The following DVL1 variants were observed in gnomAD, a reference collection of about 807,000 sequenced individuals.
DVL1 encodes the protein segment polarity protein dishevelled homolog DVL-1.
Under a neutral mutation model 65.0 loss-of-function variants are expected in DVL1, and 49 were observed. The observed-to-expected ratio is 0.75, with a 90% CI of 0.60 to 0.96. The LOEUF is 0.96. Among genes scored for constraint, DVL1 ranks in the 40% least tolerant of loss-of-function variants. The probability of loss-of-function intolerance (pLI) is 0.00; values close to 1 mark genes in which losing one functional copy is unlikely to be tolerated. For missense variants in DVL1, 1,197 were observed against 1,045.4 expected (o/e 1.15, Z -2.00); for synonymous variants, 608 against 433.9 (o/e 1.40, Z -4.99).
chr1:1,343,472 C>A (rs1643877772), intron 1 of DVL1, among the ~76,000 whole-genome samples: 1 of 152,146 alleles, frequency 6.6e-6, no homozygotes, highest in Admixed American at 6.5e-5. Context: ...CTGCACCCAC[C>A]CCTGCACTCA....
chr1:1,345,916 G>C lies in DVL1; in HGVS notation c.170+2980C>G, dbSNP rs1015511060. Among the ~76,000 whole-genome samples the C allele has an allele frequency of 6.1e-4, 93 of 152,154 alleles. 2 individuals carry two copies. The highest frequency in any genetic ancestry group is 1.8e-4 in the Non-Finnish European group (12 of 68,018). On this transcript the variant is annotated intron_variant, in intron 1 of 14. Transcript: ENST00000378888. ...CCCAACCCCTGACCCCAGAGCCAGG[G>C]GCTCTCCACCAGCCTGTCCCCTGGG...
chr1:1,337,861 T>A (rs1557663487), intron 14 of DVL1, 116 bp downstream of exon 14: 2 of 653,290 alleles, frequency 3.1e-6, no homozygotes, highest in South Asian at 1.8e-5. Context: ...CGGGGTGGGG[T>A]GGAGCTGGGG....
chr1:1,340,267 A>T lies in DVL1; in HGVS notation c.749T>A (p.Val250Asp). Residue 250 changes from valine (V) to aspartate (D), a missense_variant, in exon 7 of 15, where the codon GTC (valine) becomes GAC (aspartate). Coordinates refer to ENST00000378888, the MANE Select transcript of DVL1 (RefSeq NM_001330311.2). ...ITDSTMSLNI[V>D]TVTLNMERHH... ...CTCACCCATGTTGAGCGTGACAGTG[A>T]CGATGTTGAGGGACATGGTGGAGTC... The T allele has an allele frequency of 6.2e-7, 1 of 1,613,986 alleles. No individual in the cohort carries two copies. Among genetic ancestry groups the T allele is most frequent in the Non-Finnish European group, 8.5e-7 (1 of 1,180,004 alleles).
rs763319960 is a variant in DVL1, at chr1:1,336,173, T to C, written c.2057A>G (p.Asn686Ser). ...SRQSFQKAMG[N>S]PCEFFVDIM ...GATGTCCACGAAGAACTCGCAGGGG[T>C]TCCCCATAGCCTTCTGGAAGGACTG... The change falls in exon 15 of 15, where the codon AAC becomes AGC. Residue 686 changes from asparagine (N) to serine (S), a missense_variant. Asn to Ser is a conservative substitution (Grantham distance 46). Coordinates refer to ENST00000378888, the MANE Select transcript of DVL1 (RefSeq NM_001330311.2). 6.4e-7 allele frequency: 1 copy of C among 1,574,102 alleles called. No homozygotes were observed. Among genetic ancestry groups the C allele is most frequent in the Admixed American group, 1.8e-5 (1 of 56,618 alleles).
intron 14 of DVL1, chr1:1,337,064 G>A: frequency 1.0e-6 from 1 of 988,320 alleles, no homozygotes. Flanking sequence ...GGCTTGTTTA[G>A]CACAAGACAA....
rs2100719018 is a variant in DVL1, at chr1:1,338,439, G to A, written c.1340-3C>T. The A allele has an allele frequency of 1.9e-6, 3 of 1,609,504 alleles. No homozygotes were observed. The highest frequency in any genetic ancestry group is 2.2e-5 in the East Asian group (1 of 44,778). ...CAGCCAGTCCACCACGTCCGCCCCT[G>A]GCCGGCACCAGCGGTCAGCCCGCAG... On this transcript the variant is annotated splice_polypyrimidine_tract_variant and splice_region_variant and intron_variant, in intron 12 of 14. Coordinates refer to ENST00000378888, the MANE Select transcript of DVL1 (RefSeq NM_001330311.2).
rs938862339 is a variant in DVL1 at position 1,342,251 on chromosome 1, C to T, written c.363-95G>A. 23 of 1,497,212 alleles carry T rather than the reference C, an allele frequency of 1.5e-5. No individual in the cohort carries two copies. The African/African-American group carries it at 2.8e-4, about 18-fold the overall frequency. The allele number at this position is 1,497,212 out of a possible 1,614,324, so 92.7% of individuals were successfully genotyped here. A position where few individuals can be genotyped will look rare whatever the true frequency, so the allele number is the denominator to read the frequency against. On this transcript the variant is annotated intron_variant, in intron 3 of 14. Transcript: ENST00000378888. The stretch of plus-strand genomic sequence containing the variant: ...TCCCCTCGCCTGTGGGACCCCAGCC[C>T]CAGCAGGTGCCACGCCCGCCTACTG...
chr1:1,347,136 C>T (rs575129908), intron 1 of DVL1, among the ~76,000 whole-genome samples: 4 of 152,254 alleles, frequency 2.6e-5, no homozygotes, highest in Admixed American at 6.5e-5. Context: ...CAGAGCAAGG[C>T]CCTCGTCTTG....
rs759857279 is a variant in DVL1 at position 1,339,789 on chromosome 1, G to A, written c.933C>T (p.Asn311=). 7 of 1,611,862 alleles carry A rather than the reference G, an allele frequency of 4.3e-6. No homozygotes were observed. In the South Asian group the frequency reaches 4.4e-5, roughly 10 times the overall value. Residue 311 remains asparagine (N), a synonymous_variant, in exon 9 of 15, where the codon AAC becomes AAT. Transcript: ENST00000378888. The part of the protein sequence containing the change: ...LLQVNDVNFE[N]MSNDDAVRVL... The stretch of plus-strand genomic sequence containing the variant: ...CCCGCACGGCATCGTCATTGCTCAT[G>A]TTCTCAAAGTTCACGTCATTCACCT...
At chr1:1,341,234 C>T (rs1370823563) in intron 5 of DVL1, among the ~76,000 whole-genome samples, 1 of 151,782 alleles carries the variant, frequency 6.6e-6, no homozygotes, top group Non-Finnish European at 1.5e-5. Flanking sequence ...CATGCACACA[C>T]CTGCGCACAC....
Position 1,342,057 on chromosome 1 carries a change from C to A in DVL1, c.462G>T (p.Glu154Asp), listed in dbSNP as rs751311564. Residue 154 changes from glutamate to aspartate, a missense_variant, in exon 4 of 15, where the codon GAG becomes GAT. Physicochemically the swap from Glu to Asp is conservative, Grantham distance 45. Transcript: ENST00000378888. ...GGGCAGACATGACCACTGTACCCTC[C>A]TCGCGGTTCCGGCGTCGGGCACGCT... ...RRERARRRNR[E>D]EAARTNGHPR... 1.3e-6 allele frequency: 2 copies of A among 1,576,342 alleles called. No homozygotes were observed. The highest frequency in any genetic ancestry group is 1.7e-6 in the Non-Finnish European group (2 of 1,161,472).
intron 5 of DVL1, among the ~76,000 whole-genome samples, 196 bp from the exon 6 acceptor site, chr1:1,340,699 C>T (rs900194079): frequency 6.6e-6 from 1 of 152,166 alleles, no homozygotes; most frequent in East Asian, 1.9e-4. Flanking sequence ...CAGAGACAGG[C>T]AAACTGGGCA....
In DVL1 at chr1:1,338,601, C is replaced by G. The variant is rs1643673415; in HGVS notation, c.1260G>C (p.Arg420=). 2 of 1,612,274 alleles carry G rather than the reference C, an allele frequency of 1.2e-6. No homozygotes were observed. Among genetic ancestry groups the G allele is most frequent in the East Asian group, 4.5e-5 (2 of 44,876 alleles). The change falls in exon 12 of 15, where the codon CGG becomes CGC. Residue 420 remains arginine (R), a synonymous_variant. Coordinates refer to ENST00000378888, the MANE Select transcript of DVL1 (RefSeq NM_001330311.2). ...GTCCCGAGTCTGGCAGCTGCATGAC[C>G]CGGACGACGGCGCTCATGTCACTCT... ...TVKSDMSAVV[R]VMQLPDSGLE...
chr1:1,341,114 CGCACGCCTGCACAT>C (rs975908022), intron 5 of DVL1, among the ~76,000 whole-genome samples: 18 of 150,396 alleles, frequency 1.2e-4, no homozygotes, highest in East Asian at 7.9e-4. Context: ...CACCTGCACA[CGCACGCCTGCACAT>C]GCACACCTGC....
At chr1:1,346,453 C>T (rs113231348) in intron 1 of DVL1, among the ~76,000 whole-genome samples, 14,814 of 152,258 alleles carry the variant, frequency 0.097, 1,193 homozygotes, top group African/African-American at 0.22. Flanking sequence ...CGGCCCAAGG[C>T]TGGGCGAGAC....
In DVL1 at chr1:1,336,200, CGGCTGCCTGTCAATTCCGGG is replaced by C. The variant is rs1557661561; in HGVS notation, c.2010_2029del (p.Glu672ValfsTer28). The C allele has an allele frequency of 6.4e-7, 1 of 1,564,618 alleles. No homozygotes were observed. Among genetic ancestry groups the C allele is most frequent in the South Asian group, 1.2e-5 (1 of 86,680 alleles). ...CCCCATAGCCTTCTGGAAGGACTGG[CGGCTGCCTGTCAATTCCGGG>C]GGGACGGCAGCCAGCTCCCGGACAG... On this transcript the variant is annotated frameshift_variant, in exon 15 of 15. Transcript: ENST00000378888. LOFTEE classifies it high-confidence loss of function.
chr1:1,336,005 G>A lies in DVL1; in HGVS notation c.*137C>T. 2 of 1,203,034 alleles carry A rather than the reference G, an allele frequency of 1.7e-6. No individual in the cohort carries two copies. Among genetic ancestry groups the A allele is most frequent in the Admixed American group, 2.4e-5 (1 of 41,364 alleles). The allele number at this position is 1,203,034 out of a possible 1,614,324, so 74.5% of individuals were successfully genotyped here. Reference sequence around the variant, plus strand: ...GGAGCTGGAGCAGCCAGGCTGCCAGGGCAGATGGTGGTGGTCCAGCCTGCC... The same window carrying A: ...GGAGCTGGAGCAGCCAGGCTGCCAGAGCAGATGGTGGTGGTCCAGCCTGCC... On this transcript the variant is annotated 3_prime_UTR_variant, in exon 15 of 15. Transcript: ENST00000378888.
chr1:1,342,200 C>A, intron 3 of DVL1, 44 bp from the exon 4 acceptor site: 1 of 1,521,504 alleles, frequency 6.6e-7, no homozygotes, highest in Non-Finnish European at 8.9e-7. Flanking sequence ...GTGGCCCCAG[C>A]CCCTCAGATG....
chr1:1,348,125 T>C (rs956746021), intron 1 of DVL1, among the ~76,000 whole-genome samples: 1 of 152,204 alleles, frequency 6.6e-6, no homozygotes, highest in African/African-American at 2.4e-5. Flanking sequence ...TACTGGTGGC[T>C]GGGCCGGGCC....
Sources: allele counts gnomAD v4.1 joint callset (sites outside exome capture counted in the v4.1 genomes callset), GRCh38; gene constraint gnomAD v4.1.1; transcripts MANE v1.5; gene names NCBI Gene and HGNC (gene_info 2026-07-23, HGNC 2026-07-21).